Variants in CDKAL1 observed in about 807,000 individuals in gnomAD.
The protein encoded by CDKAL1 is threonylcarbamoyladenosine tRNA methylthiotransferase.
Under a neutral mutation model 68.2 loss-of-function variants are expected in CDKAL1, and 32 were observed. That is an observed-to-expected ratio of 0.47 (90% confidence interval 0.35 to 0.63). The LOEUF is 0.63. Among genes scored for constraint, CDKAL1 ranks in the 30% least tolerant of loss-of-function variants. The pLI, the probability that CDKAL1 is intolerant of heterozygous loss-of-function variation, is 0.00. For missense variants in CDKAL1, 606 were observed against 696.7 expected (o/e 0.87, Z 1.47); for synonymous variants, 234 against 244.3 (o/e 0.96, Z 0.39).
chr6:20,792,196 T>A (rs1042576716), intron 8 of CDKAL1, among the ~76,000 whole-genome samples: 3 of 152,324 alleles, frequency 2.0e-5, no homozygotes, highest in Admixed American at 1.3e-4. Context: ...CAAAGCAGAA[T>A]GTTTTGTTTG....
intron 11 of CDKAL1, among the ~76,000 whole-genome samples, chr6:21,040,987 T>A (rs1322248357): frequency 2.6e-5 from 4 of 152,206 alleles, no homozygotes; most frequent in African/African-American, 9.6e-5. Context: ...TTTTCAGAGC[T>A]GTAAGAACTA....
intron 15 of CDKAL1, among the ~76,000 whole-genome samples, chr6:21,227,171 G>A (rs1213810437): frequency 6.6e-6 from 1 of 152,226 alleles, no homozygotes; most frequent in Non-Finnish European, 1.5e-5. Flanking sequence ...CTTGTCGTGT[G>A]TGTGTCGACT....
chr6:20,846,598 T>C (rs1369840855), intron 9 of CDKAL1, among the ~76,000 whole-genome samples: 1 of 152,196 alleles, frequency 6.6e-6, no homozygotes, highest in East Asian at 1.9e-4. Context: ...TGTAGACGTC[T>C]TTGAAGAAGA....
Position 20,955,414 on chromosome 6 carries a change from C to T in CDKAL1, c.743-5C>T, listed in dbSNP as rs939951193. 3 of 1,613,694 alleles carry T rather than the reference C, an allele frequency of 1.9e-6. No individual in the cohort carries two copies. The highest frequency in any genetic ancestry group is 2.5e-6 in the Non-Finnish European group (3 of 1,179,852). ...GATTTGTTAATTATCTCTTTTGATT[C>T]ACAGAGGGTGTTTGTGAGATATGGT... On this transcript the variant is annotated splice_region_variant and splice_polypyrimidine_tract_variant and intron_variant, in intron 9 of 15. Coordinates refer to ENST00000274695, the MANE Select transcript of CDKAL1 (RefSeq NM_017774.3).
intron 5 of CDKAL1, among the ~76,000 whole-genome samples, chr6:20,706,744 AGTGAT>A (rs1771613844): frequency 6.6e-6 from 1 of 152,222 alleles, no homozygotes; most frequent in Admixed American, 6.5e-5. Flanking sequence ...TATGATGTGA[AGTGAT>A]GAGTCACATG....
At chr6:21,149,443 G>A (rs1022743881) in intron 13 of CDKAL1, among the ~76,000 whole-genome samples, 1 of 152,098 alleles carries the variant, frequency 6.6e-6, no homozygotes, top group Non-Finnish European at 1.5e-5. Context: ...ACCACGCCTG[G>A]CCCCAAAAAA....
At chr6:20,861,280 C>G (rs1341007721) in intron 9 of CDKAL1, among the ~76,000 whole-genome samples, 3 of 152,120 alleles carry the variant, frequency 2.0e-5, no homozygotes, top group Admixed American at 2.0e-4. Context: ...TGTAAGCGTA[C>G]GTAAACCTAA....
At chr6:20,732,263 C>CTTTCTTTTTTTTTTTT (rs1457615376) in intron 5 of CDKAL1, among the ~76,000 whole-genome samples, 6 of 83,486 alleles carry the variant, frequency 7.2e-5, no homozygotes, top group African/African-American at 2.0e-4. Context: ...TTCTTTCTTT[C>CTTTCTTTTTTTTTTTT]TTTTTTTTTT....
intron 13 of CDKAL1, among the ~76,000 whole-genome samples, chr6:21,118,537 C>T (rs73383742): frequency 0.011 from 1,599 of 152,192 alleles, 23 homozygotes; most frequent in African/African-American, 0.036. Flanking sequence ...TTCCATGGGC[C>T]AATAATTTAT....
intron 13 of CDKAL1, among the ~76,000 whole-genome samples, chr6:21,178,900 G>A (rs539673210): frequency 2.6e-5 from 4 of 152,328 alleles, no homozygotes; most frequent in African/African-American, 9.6e-5. Flanking sequence ...CACTCTGATA[G>A]CTCACAGCAG....
chr6:20,728,769 GTCAC>G (rs1431402569), intron 5 of CDKAL1, among the ~76,000 whole-genome samples: 2 of 152,100 alleles, frequency 1.3e-5, no homozygotes, highest in Admixed American at 6.5e-5. Flanking sequence ...ACCTTACCAA[GTCAC>G]TTAGATTCGC....
chr6:20,624,253 T>A (rs968837672), intron 4 of CDKAL1, among the ~76,000 whole-genome samples: 3 of 152,072 alleles, frequency 2.0e-5, no homozygotes, highest in South Asian at 2.1e-4. Flanking sequence ...TTTCTTTTTT[T>A]AAAAACACTT....
chr6:21,118,080 C>T (rs1365838727), intron 13 of CDKAL1, among the ~76,000 whole-genome samples: 3 of 152,122 alleles, frequency 2.0e-5, no homozygotes, highest in Non-Finnish European at 4.4e-5. Flanking sequence ...ATTATATTTT[C>T]CAGGAAGAAG....
In CDKAL1 at chr6:20,663,339, C is replaced by T. The variant is rs111372302; in HGVS notation, c.371+13962C>T. Among the ~76,000 whole-genome samples, 890 of 152,082 alleles carry T rather than the reference C, an allele frequency of 5.9e-3. 5 individuals are homozygous for T. The highest frequency in any genetic ancestry group is 9.6e-3 in the Non-Finnish European group (655 of 67,988). Reference sequence around the variant, plus strand: ...AATGTTTATTGGCTTGATATCTCTGCTATAGGGTATAAACTTTGGGACAAG... The same window carrying T: ...AATGTTTATTGGCTTGATATCTCTGTTATAGGGTATAAACTTTGGGACAAG... On this transcript the variant is annotated intron_variant, in intron 5 of 15. Transcript: ENST00000274695.
chr6:21,212,191 T>G (rs1204759926), intron 15 of CDKAL1, among the ~76,000 whole-genome samples: 1 of 152,184 alleles, frequency 6.6e-6, no homozygotes, highest in Admixed American at 6.5e-5. Context: ...AGTGCCTGTT[T>G]CATGGTTATT....
chr6:21,205,613 C>T lies in CDKAL1; in HGVS notation c.1548+4339C>T, dbSNP rs187274178. Among the ~76,000 whole-genome samples, 187 of 151,848 alleles carry T rather than the reference C, an allele frequency of 1.2e-3. 1 individual carries two copies. Among genetic ancestry groups the T allele is most frequent in the African/African-American group, 4.2e-3 (172 of 41,356 alleles). On this transcript the variant is annotated intron_variant, in intron 15 of 15. Coordinates refer to ENST00000274695, the MANE Select transcript of CDKAL1 (RefSeq NM_017774.3). ...TGGCCTGATCTCGGCTCACTGTAAGCTCCGCCTCCTGGGTTCACGCCATTC... is the reference window on the plus strand; with the variant it reads ...TGGCCTGATCTCGGCTCACTGTAAGTTCCGCCTCCTGGGTTCACGCCATTC...
chr6:20,980,885 C>T (rs944926730), intron 10 of CDKAL1, among the ~76,000 whole-genome samples: 8 of 152,186 alleles, frequency 5.3e-5, no homozygotes, highest in Non-Finnish European at 8.8e-5. Flanking sequence ...GCTTTGTTCC[C>T]TCCAGGTCTA....
chr6:21,063,832 C>T (rs186733049), intron 11 of CDKAL1, among the ~76,000 whole-genome samples: 9 of 152,198 alleles, frequency 5.9e-5, no homozygotes, highest in Middle Eastern at 3.4e-3. Context: ...GTGGTTTCAA[C>T]ATTCAAAAGA....
intron 8 of CDKAL1, among the ~76,000 whole-genome samples, chr6:20,835,044 A>G (rs1252603333): frequency 2.0e-5 from 3 of 152,212 alleles, no homozygotes; most frequent in Non-Finnish European, 4.4e-5. Flanking sequence ...TTCCATTTAT[A>G]TAAAATTATT....
Sources: allele counts gnomAD v4.1 joint callset (sites outside exome capture counted in the v4.1 genomes callset), GRCh38; gene constraint gnomAD v4.1.1; transcripts MANE v1.5; gene names NCBI Gene and HGNC (gene_info 2026-07-23, HGNC 2026-07-21).